NEMP2: variants seen among roughly 807,000 people sequenced by gnomAD.
NEMP2 encodes UPF0571 transmembrane protein.
Under a neutral mutation model 54.2 loss-of-function variants are expected in NEMP2, and 53 were observed. That is an observed-to-expected ratio of 0.98 (90% CI 0.78 to 1.23). The LOEUF (loss-of-function observed/expected upper bound fraction) is 1.23, where lower values mean the gene tolerates loss of function less well. NEMP2 is among the 50% of genes most tolerant of loss of function. The pLI, the probability that NEMP2 is intolerant of heterozygous loss-of-function variation, is 0.00. For missense variants in NEMP2, 455 were observed against 511.3 expected (o/e 0.89, Z 1.06); for synonymous variants, 197 against 190.3 (o/e 1.04, Z -0.29).
At chr2:190,564,228 G>GTTTA in the NEMP2 span, among the ~76,000 whole-genome samples, 2 of 152,140 alleles carry the variant, frequency 1.3e-5, no homozygotes, top group Non-Finnish European at 2.9e-5. This position sits in a 1 kb window ranked among gnomAD's most constrained non-coding sequence, Gnocchi z 4.2. Context: ...CTGAATTTGT[G>GTTTA]TTTACTTATT....
upstream of NEMP2, among the ~76,000 whole-genome samples, chr2:190,537,952 A>T (rs1691431412): frequency 6.6e-6 from 1 of 152,164 alleles, no homozygotes; most frequent in African/African-American, 2.4e-5. Flanking sequence ...TCAGCCAAGC[A>T]CATACAACAA....
In NEMP2 at chr2:190,509,049, C is replaced by T. The variant is rs6707244; in HGVS notation, c.*140G>A. On this transcript the variant is annotated 3_prime_UTR_variant, in exon 9 of 9. Transcript: ENST00000409150. This position sits in a 1 kb window ranked among gnomAD's most constrained non-coding sequence, Gnocchi z 6.1. ...AGTTATCTTCAAAATGGGTTGGTTT[C>T]CCTTTCCAGACTGACTTGTTTTTCT... 1,251,823 of 1,339,978 alleles carry T rather than the reference C, an allele frequency of 0.93. 587,011 individuals carry two copies. Among genetic ancestry groups the T allele is most frequent in the East Asian group, 1 (39,357 of 39,382 alleles). The allele number at this position is 1,339,978 out of a possible 1,614,324, so 83.0% of individuals were successfully genotyped here.
the NEMP2 span, among the ~76,000 whole-genome samples, chr2:190,585,470 C>G: frequency 6.6e-6 from 1 of 152,160 alleles, no homozygotes; most frequent in East Asian, 1.9e-4. This position sits in a 1 kb window ranked among gnomAD's most constrained non-coding sequence, Gnocchi z 5.3. Context: ...TGGGTGCTCC[C>G]TCTTTCGGAC....
chr2:190,473,120 T>C, the NEMP2 span, among the ~76,000 whole-genome samples: 6 of 152,124 alleles, frequency 3.9e-5, no homozygotes, highest in South Asian at 2.1e-4. Flanking sequence ...CGGTACCAGC[T>C]ACTGCAAAAA....
chr2:190,500,020 C>T, downstream of NEMP2: 1 of 1,614,126 alleles, frequency 6.2e-7, no homozygotes, highest in Non-Finnish European at 8.5e-7. The surrounding 1 kb of genome is among the most constrained non-coding windows in gnomAD (Gnocchi z 5.3). Flanking sequence ...TCCAGGGGAC[C>T]AATGAGAATA....
At position 190,519,117 on chromosome 2, in the gene NEMP2, G is replaced by GA; in HGVS notation, c.279dup (p.Pro94SerfsTer14). On this transcript the variant is annotated frameshift_variant, in exon 3 of 9. Coordinates refer to ENST00000409150, the MANE Select transcript of NEMP2 (RefSeq NM_001142645.2). LOFTEE classifies it high-confidence loss of function. This position sits in a 1 kb window ranked among gnomAD's most constrained non-coding sequence, Gnocchi z 5.4. ...TTGATAAAAGATAGAATGTTTTCTG[G>GA]ATATTGGCAATTATGTCTTTCTGCG... 1 of 1,551,068 alleles carries GA rather than the reference G, an allele frequency of 6.4e-7. No homozygotes were observed. The highest frequency in any genetic ancestry group is 8.7e-7 in the Non-Finnish European group (1 of 1,146,940).
At chr2:190,487,231 C>T in the NEMP2 span, among the ~76,000 whole-genome samples, 2 of 152,294 alleles carry the variant, frequency 1.3e-5, no homozygotes, top group African/African-American at 2.4e-5. This position sits in a 1 kb window ranked among gnomAD's most constrained non-coding sequence, Gnocchi z 5.5. Context: ...GTCCCAGCTA[C>T]TTGGGAGGCT....
In NEMP2 at chr2:190,531,972, A is replaced by G. The variant is rs908726783; in HGVS notation, c.97+2587T>C. Among the ~76,000 whole-genome samples the G allele has an allele frequency of 1.4e-5, 2 of 143,976 alleles. No individual in the cohort carries two copies. Among genetic ancestry groups the G allele is most frequent in the Admixed American group, 8.1e-5 (1 of 12,316 alleles). 94.5% of individuals were successfully genotyped at this position (143,976 alleles called of 152,430 possible). A position where few individuals can be genotyped will look rare whatever the true frequency, so the allele number is the denominator to read the frequency against. Reference sequence around the variant, plus strand: ...CCTCCTGAAAACTGACATGGCCCTCATATGGGGAAAAAAAATATCTTCAGA... The same window carrying G: ...CCTCCTGAAAACTGACATGGCCCTCGTATGGGGAAAAAAAATATCTTCAGA... On this transcript the variant is annotated intron_variant, in intron 1 of 8. Transcript: ENST00000409150. The surrounding 1 kb of genome is among the most constrained non-coding windows in gnomAD (Gnocchi z 4.7).
At chr2:190,611,125 A>C in the NEMP2 span, 2 of 152,214 alleles carry the variant, frequency 1.3e-5, no homozygotes, top group Non-Finnish European at 2.9e-5. This position sits in a 1 kb window ranked among gnomAD's most constrained non-coding sequence, Gnocchi z 5.4. Context: ...TAAACACACA[A>C]TTGACAAGGA....
chr2:190,537,507 C>T (rs1466069351), upstream of NEMP2, among the ~76,000 whole-genome samples: 1 of 152,186 alleles, frequency 6.6e-6, no homozygotes, highest in African/African-American at 2.4e-5. Context: ...ATGTTTGCTT[C>T]CCCTTCCACC....
At chr2:190,552,099 C>A in the NEMP2 span, among the ~76,000 whole-genome samples, 1,722 of 152,328 alleles carry the variant, frequency 0.011, 20 homozygotes, top group Middle Eastern at 0.024. Flanking sequence ...TTTGCACTCA[C>A]AACTTGTGGG....
the NEMP2 span, among the ~76,000 whole-genome samples, chr2:190,591,756 C>T: frequency 2.8e-3 from 419 of 152,216 alleles, 6 homozygotes; most frequent in Non-Finnish European, 5.6e-4. The surrounding 1 kb of genome is among the most constrained non-coding windows in gnomAD (Gnocchi z 5.4). Flanking sequence ...CTGAAAATTG[C>T]CATGGCCAGC....
the NEMP2 span, among the ~76,000 whole-genome samples, chr2:190,485,376 A>G: frequency 2.0e-5 from 3 of 152,220 alleles, no homozygotes; most frequent in Admixed American, 2.0e-4. This position sits in a 1 kb window ranked among gnomAD's most constrained non-coding sequence, Gnocchi z 5.1. Flanking sequence ...CGTCAGCATT[A>G]AAGTTAACCT....
At chr2:190,534,344 C>T (rs1231246495) in intron 1 of NEMP2, 1 of 1,198,498 alleles carries the variant, frequency 8.3e-7, no homozygotes, top group East Asian at 3.5e-5. Context: ...TCTAAAATTA[C>T]AAAATGTCCA....
intron 5 of NEMP2, among the ~76,000 whole-genome samples, chr2:190,517,299 C>CA (rs1690596115): frequency 1.3e-5 from 2 of 150,900 alleles, no homozygotes; most frequent in African/African-American, 4.9e-5. Flanking sequence ...AAAGGGGTCT[C>CA]AAAAAAAGTA....
chr2:190,503,804 G>C (rs561297717), downstream of NEMP2, among the ~76,000 whole-genome samples: 6 of 152,292 alleles, frequency 3.9e-5, no homozygotes, highest in African/African-American at 1.4e-4. The surrounding 1 kb of genome is among the most constrained non-coding windows in gnomAD (Gnocchi z 6.3). Flanking sequence ...GACAGAAAAG[G>C]GGTGAAAGGG....
At chr2:190,516,822 G>A (rs1690574833) in intron 5 of NEMP2, among the ~76,000 whole-genome samples, 1 of 152,196 alleles carries the variant, frequency 6.6e-6, no homozygotes, top group Non-Finnish European at 1.5e-5. Flanking sequence ...CGGGCACGGT[G>A]GCTCACGCCT....
the NEMP2 span, among the ~76,000 whole-genome samples, chr2:190,437,993 G>A: frequency 6.6e-6 from 1 of 151,586 alleles, no homozygotes; most frequent in Non-Finnish European, 1.5e-5. This position sits in a 1 kb window ranked among gnomAD's most constrained non-coding sequence, Gnocchi z 5.9. Context: ...TGCTGACATA[G>A]ATAGAGCCTG....
chr2:190,469,132 A>G, the NEMP2 span, among the ~76,000 whole-genome samples: 6 of 152,234 alleles, frequency 3.9e-5, no homozygotes, highest in Non-Finnish European at 8.8e-5. The surrounding 1 kb of genome is among the most constrained non-coding windows in gnomAD (Gnocchi z 5.3). Flanking sequence ...TTTTGTAAAC[A>G]TATGATACCA....
Sources: allele counts gnomAD v4.1 joint callset (sites outside exome capture counted in the v4.1 genomes callset), GRCh38; gene constraint gnomAD v4.1.1; non-coding constraint Gnocchi (gnomAD v3.1); transcripts MANE v1.5; gene names NCBI Gene and HGNC (gene_info 2026-07-23, HGNC 2026-07-21).